MACROD2: variants seen among roughly 807,000 people sequenced by gnomAD.
The protein encoded by MACROD2 is mono-ADP ribosylhydrolase 2, also known as ADP-ribose glycohydrolase MACROD2.
A neutral mutation model predicts 70.4 loss-of-function variants in MACROD2; 36 were observed. The ratio of observed to expected loss-of-function variants is 0.51; its 90% CI spans 0.39 to 0.68. The LOEUF (loss-of-function observed/expected upper bound fraction) is 0.68, where lower values mean the gene tolerates loss of function less well. Among genes scored for constraint, MACROD2 ranks in the 30% least tolerant of loss-of-function variants. MACROD2 has a pLI of 0.00. For missense variants in MACROD2, 496 were observed against 538.4 expected (o/e 0.92, Z 0.78); for synonymous variants, 172 against 178.8 (o/e 0.96, Z 0.30).
chr20:14,037,254 A>G (rs1035972039), intron 2 of MACROD2, among the ~76,000 whole-genome samples: 5 of 152,230 alleles, frequency 3.3e-5, no homozygotes, highest in Non-Finnish European at 5.9e-5. Context: ...TGTAGAATTT[A>G]CTAGTTTTGG....
chr20:14,607,087 T>C (rs1335843759), intron 4 of MACROD2, among the ~76,000 whole-genome samples: 1 of 152,172 alleles, frequency 6.6e-6, no homozygotes, highest in African/African-American at 2.4e-5. Flanking sequence ...TTTTACGCCA[T>C]GTTTTGGTAA....
intron 4 of MACROD2, among the ~76,000 whole-genome samples, chr20:14,675,007 C>T (rs759898083): frequency 1.6e-4 from 25 of 152,082 alleles, no homozygotes; most frequent in Non-Finnish European, 2.6e-4. Flanking sequence ...CCAAAATTTC[C>T]CTTGCTAAAA....
Position 14,291,504 on chromosome 20 carries a change from C to T in MACROD2, c.272-201975C>T, listed in dbSNP as rs143842365. The stretch of plus-strand genomic sequence containing the variant: ...GAGGAGGTTGTGCTCTTTGTTTTGC[C>T]TTAAGTGCAAGATGTGTGGTGAATG... On this transcript the variant is annotated intron_variant, in intron 3 of 17. Transcript: ENST00000684519. Among the ~76,000 whole-genome samples the T allele has an allele frequency of 5.0e-3, 754 of 151,936 alleles. 5 individuals carry two copies. Among genetic ancestry groups the T allele is most frequent in the East Asian group, 9.5e-3 (49 of 5,178 alleles).
intron 7 of MACROD2, among the ~76,000 whole-genome samples, chr20:15,433,863 A>G (rs13037163): frequency 6.6e-6 from 1 of 152,144 alleles, no homozygotes. Flanking sequence ...GACCAACAGA[A>G]CAGAATAAAG....
At chr20:15,793,714 A>G (rs145603131) in intron 8 of MACROD2, among the ~76,000 whole-genome samples, 5 of 150,668 alleles carry the variant, frequency 3.3e-5, no homozygotes, top group African/African-American at 1.2e-4. Flanking sequence ...TCCTTGTATC[A>G]TAATTTGAAC....
intron 3 of MACROD2, among the ~76,000 whole-genome samples, chr20:14,309,638 C>T (rs557687669): frequency 6.6e-5 from 10 of 152,172 alleles, no homozygotes; most frequent in African/African-American, 9.6e-5. Flanking sequence ...TCCAAATTCA[C>T]GCATTTAGCC....
chr20:14,308,877 G>T (rs2082542471), intron 3 of MACROD2, among the ~76,000 whole-genome samples: 1 of 152,128 alleles, frequency 6.6e-6, no homozygotes, highest in African/African-American at 2.4e-5. Context: ...AGATGGAAAG[G>T]GTAAAGGATG....
chr20:15,575,923 AT>A (rs2048441536), intron 8 of MACROD2, among the ~76,000 whole-genome samples: 1 of 152,170 alleles, frequency 6.6e-6, no homozygotes, highest in African/African-American at 2.4e-5. Context: ...TACTTTATAT[AT>A]TTTAAAACAC....
chr20:14,926,756 G>A (rs2074238077), intron 5 of MACROD2, among the ~76,000 whole-genome samples: 1 of 152,026 alleles, frequency 6.6e-6, no homozygotes, highest in Non-Finnish European at 1.5e-5. Flanking sequence ...CCTTTTTGAG[G>A]AGGAAAAAAT....
At chr20:14,221,736 C>A (rs1019457895) in intron 3 of MACROD2, among the ~76,000 whole-genome samples, 1 of 152,102 alleles carries the variant, frequency 6.6e-6, no homozygotes, top group African/African-American at 2.4e-5. Context: ...ACTACGCATC[C>A]CACAGGAGAC....
At chr20:14,246,090 A>G (rs376845148) in intron 3 of MACROD2, among the ~76,000 whole-genome samples, 16 of 152,302 alleles carry the variant, frequency 1.1e-4, no homozygotes, top group African/African-American at 3.8e-4. Context: ...CATCTACTCC[A>G]AGGCCACATG....
chr20:14,116,316 C>T (rs1285599793), intron 3 of MACROD2, among the ~76,000 whole-genome samples: 1 of 152,188 alleles, frequency 6.6e-6, no homozygotes, highest in Non-Finnish European at 1.5e-5. Context: ...CAAAAGCTTT[C>T]TGAGGGCAGA....
intron 3 of MACROD2, among the ~76,000 whole-genome samples, chr20:14,357,465 A>C: frequency 6.6e-6 from 1 of 152,256 alleles, no homozygotes; most frequent in East Asian, 1.9e-4. Flanking sequence ...CTATGAATGT[A>C]AGATTTCTAT....
At chr20:15,824,171 G>C (rs537362358) in intron 8 of MACROD2, among the ~76,000 whole-genome samples, 1 of 152,164 alleles carries the variant, frequency 6.6e-6, no homozygotes, top group Admixed American at 6.5e-5. Flanking sequence ...ACCAAGCTGG[G>C]GGTTGGGGAG....
intron 4 of MACROD2, among the ~76,000 whole-genome samples, chr20:14,542,306 T>G (rs893145670): frequency 6.6e-6 from 1 of 152,272 alleles, no homozygotes; most frequent in Non-Finnish European, 1.5e-5. Context: ...TGCTCTTTAT[T>G]TATTTACTGA....
At chr20:14,692,046 T>C (rs2071071267) in intron 5 of MACROD2, among the ~76,000 whole-genome samples, 1 of 152,194 alleles carries the variant, frequency 6.6e-6, no homozygotes, top group Non-Finnish European at 1.5e-5. Context: ...ATCCTCATGA[T>C]GAATGTGGAA....
intron 4 of MACROD2, among the ~76,000 whole-genome samples, chr20:14,667,709 G>A (rs1194544696): frequency 6.6e-6 from 1 of 152,168 alleles, no homozygotes; most frequent in African/African-American, 2.4e-5. Context: ...CCAAGCCATA[G>A]CTTTATCCTC....
chr20:15,249,344 T>C (rs2077133904), intron 6 of MACROD2, among the ~76,000 whole-genome samples: 1 of 152,196 alleles, frequency 6.6e-6, no homozygotes, highest in African/African-American at 2.4e-5. Context: ...TTTCTGTCAC[T>C]TCTCAGCTGA....
intron 5 of MACROD2, among the ~76,000 whole-genome samples, chr20:15,054,938 A>G (rs896986421): frequency 7.0e-6 from 1 of 143,610 alleles, no homozygotes; most frequent in Non-Finnish European, 1.5e-5. Flanking sequence ...TTGTGCCGCC[A>G]CATCTAGCTT....
Sources: gnomAD v4.1 joint callset for allele counts (sites outside exome capture counted in the v4.1 genomes callset) on GRCh38, gnomAD v4.1.1 for gene constraint, MANE v1.5 for transcripts, NCBI Gene and HGNC (gene_info 2026-07-23, HGNC 2026-07-21) for gene names.